ANK1: variants seen among roughly 807,000 people sequenced by gnomAD.
The protein encoded by ANK1 is ankyrin-1.
In ANK1, 51 loss-of-function variants were observed where a neutral mutation model predicts 210.4. That is an observed-to-expected ratio of 0.24 (90% CI 0.19 to 0.31). The LOEUF is 0.31. Ranked by LOEUF, ANK1 falls within the 10% of genes least tolerant of loss-of-function variation. The pLI, the probability that ANK1 is intolerant of heterozygous loss-of-function variation, is 1.00. For missense variants in ANK1, 2,051 were observed against 2,504.4 expected (o/e 0.82, Z 3.86); for synonymous variants, 967 against 1,025.9 (o/e 0.94, Z 1.10).
intron 42 of ANK1, 77 bp downstream of exon 42, chr8:41,661,353 G>A (rs1164411800): frequency 3.8e-6 from 6 of 1,577,574 alleles, no homozygotes; most frequent in Admixed American, 1.8e-5. Context: ...GTGGCTGGGA[G>A]GGGATAGGGT....
chr8:41,755,313 T>A (rs1480992999), intron 2 of ANK1, among the ~76,000 whole-genome samples: 1 of 152,196 alleles, frequency 6.6e-6, no homozygotes, highest in Non-Finnish European at 1.5e-5. Flanking sequence ...ACACAGCTAT[T>A]CCCTGGTGGC....
At chr8:41,821,130 A>G (rs1477832933) in intron 1 of ANK1, among the ~76,000 whole-genome samples, 1 of 152,188 alleles carries the variant, frequency 6.6e-6, no homozygotes, top group Non-Finnish European at 1.5e-5. Flanking sequence ...CTACAGAAGT[A>G]TATTTGGGGG....
chr8:41,790,782 G>C (rs1475750059), intron 1 of ANK1, among the ~76,000 whole-genome samples: 1 of 152,202 alleles, frequency 6.6e-6, no homozygotes, highest in Non-Finnish European at 1.5e-5. Flanking sequence ...CTGGCTAATG[G>C]GGGTTGGGGG....
intron 2 of ANK1, among the ~76,000 whole-genome samples, chr8:41,743,607 G>C (rs540125865): frequency 6.6e-6 from 1 of 152,332 alleles, no homozygotes; most frequent in South Asian, 2.1e-4. Flanking sequence ...GTCTGAGAAA[G>C]AGGACAGCTA....
At chr8:41,878,796 T>C (rs770604169) in intron 1 of ANK1, among the ~76,000 whole-genome samples, 2 of 152,058 alleles carry the variant, frequency 1.3e-5, no homozygotes, top group Non-Finnish European at 2.9e-5. Flanking sequence ...GGCGTGGTGG[T>C]TCATGCCTAT....
At chr8:41,807,968 G>GGGA (rs566961146) in intron 1 of ANK1, among the ~76,000 whole-genome samples, 247 of 151,410 alleles carry the variant, frequency 1.6e-3, no homozygotes, top group African/African-American at 5.5e-3. Flanking sequence ...AGAGGAGGAG[G>GGGA]GGAGGAGGAG....
rs527730434 is a variant in ANK1, at chr8:41,716,812, C to T, written c.1404+141G>A. On this transcript the variant is annotated intron_variant, in intron 13 of 42. Transcript: ENST00000289734. The stretch of plus-strand genomic sequence containing the variant: ...AACCCCCTGCAAAGCAGAATCTGGG[C>T]GCTCAGAGTGACCTGATCAGGATGA... The T allele has an allele frequency of 3.1e-4, 260 of 846,576 alleles. 2 individuals are homozygous for T. The highest frequency in any genetic ancestry group is 4.0e-4 in the African/African-American group (24 of 60,258). 52.4% of individuals were successfully genotyped at this position (846,576 alleles called of 1,614,324 possible).
At chr8:41,677,948 A>G (rs1814731259) in intron 37 of ANK1, among the ~76,000 whole-genome samples, 1 of 152,074 alleles carries the variant, frequency 6.6e-6, no homozygotes, top group African/African-American at 2.4e-5. Flanking sequence ...GTTCCCTTGT[A>G]CATAACACAT....
chr8:41,871,535 C>T (rs766753098), intron 1 of ANK1, among the ~76,000 whole-genome samples: 13 of 152,208 alleles, frequency 8.5e-5, no homozygotes, highest in South Asian at 4.1e-4. Context: ...GAGCACCATA[C>T]GAAGAAGATC....
chr8:41,810,932 G>A (rs574557450), intron 1 of ANK1, among the ~76,000 whole-genome samples: 31 of 152,342 alleles, frequency 2.0e-4, no homozygotes, highest in Admixed American at 1.4e-3. Flanking sequence ...ACGCAGGTGC[G>A]TCAGTTCGCG....
chr8:41,836,251 G>A (rs1807688904), intron 1 of ANK1, among the ~76,000 whole-genome samples: 1 of 152,260 alleles, frequency 6.6e-6, no homozygotes, highest in African/African-American at 2.4e-5. Context: ...GCTGCCGACT[G>A]CTCAGTATTT....
Position 41,672,792 on chromosome 8 carries a change from G to T in ANK1, c.4658C>A (p.Ala1553Glu). The T allele has an allele frequency of 6.2e-7, 1 of 1,604,286 alleles. No individual in the cohort carries two copies. Among genetic ancestry groups the T allele is most frequent in the South Asian group, 1.1e-5 (1 of 89,952 alleles). Residue 1553 changes from alanine to glutamate, a missense_variant, in exon 38 of 43, where the codon GCG (alanine) becomes GAG (glutamate). Coordinates refer to ENST00000289734, the MANE Select transcript of ANK1 (RefSeq NM_000037.4). ...CAGCATGGTGTCATGCTCCGTGGCCGCCAAGGGGATGGCGTCTAGGACGGC... is the reference window on the plus strand; with the variant it reads ...CAGCATGGTGTCATGCTCCGTGGCCTCCAAGGGGATGGCGTCTAGGACGGC... ...EVAVLDAIPL[A>E]ATEHDTMLEM...
At chr8:41,737,942 T>G (rs993710842) in intron 2 of ANK1, among the ~76,000 whole-genome samples, 2 of 152,210 alleles carry the variant, frequency 1.3e-5, no homozygotes, top group East Asian at 3.8e-4. Flanking sequence ...TGTCTGGCCC[T>G]GTGCTAGAAA....
Position 41,771,071 on chromosome 8 carries a change from A to G in ANK1, c.28-12934T>C, listed in dbSNP as rs537960467. On this transcript the variant is annotated intron_variant, in intron 1 of 42. Transcript: ENST00000289734. The stretch of plus-strand genomic sequence containing the variant: ...AACACAGTGATTACTGACTGGTGTT[A>G]GAAGAATGATGTCCCCAACACTTCC... Among the ~76,000 whole-genome samples, 174 of 152,338 alleles carry G rather than the reference A, an allele frequency of 1.1e-3. No individual in the cohort carries two copies. In the Middle Eastern group the frequency reaches 0.017, roughly 15 times the overall value.
chr8:41,766,859 C>A (rs547425838), intron 1 of ANK1, among the ~76,000 whole-genome samples: 1 of 152,192 alleles, frequency 6.6e-6, no homozygotes, highest in African/African-American at 2.4e-5. Context: ...GGCCTCCGGG[C>A]GCCTCACGTT....
Position 41,723,181 on chromosome 8 carries a change from C to G in ANK1, c.853G>C (p.Val285Leu). The change falls in exon 9 of 43, where the codon GTG (valine) becomes CTG (leucine). Residue 285 changes from valine (V) to leucine (L), a missense_variant. Around this residue, in one of 6 missense-constraint regions of ANK1, gnomAD observed 1,413 missense variants for 1,707.4 expected, o/e 0.83. Transcript: ENST00000289734. ...TCCAGCAGGATCTCTGAGATTCGCA[C>G]GTGCCCATTTCGAGCTGCACAGTGG... Reference protein sequence around the residue: ...PLHCAARNGHVRISEILLDHG... With the variant: ...PLHCAARNGHLRISEILLDHG... The G allele has an allele frequency of 3.1e-6, 5 of 1,614,156 alleles. No homozygotes were observed. Among genetic ancestry groups the G allele is most frequent in the Non-Finnish European group, 4.2e-6 (5 of 1,180,036 alleles).
At chr8:41,719,915 G>C in intron 9 of ANK1, 57 bp from the exon 10 acceptor site, 1 of 1,557,226 alleles carries the variant, frequency 6.4e-7, no homozygotes, top group Non-Finnish European at 8.9e-7. Flanking sequence ...CGAGCATGGA[G>C]ATTCAGGACG....
chr8:41,656,290 T>C (rs17659428), intron 42 of ANK1, among the ~76,000 whole-genome samples: 90,921 of 152,186 alleles, frequency 0.6, 27,706 homozygotes, highest in African/African-American at 0.71. Context: ...ATGGAGCGGA[T>C]GTGCTCCCTG....
At chr8:41,888,825 G>T (rs982446827) in intron 1 of ANK1, among the ~76,000 whole-genome samples, 1 of 152,138 alleles carries the variant, frequency 6.6e-6, no homozygotes, top group Admixed American at 6.5e-5. Context: ...CTCAGGGCCC[G>T]GCGACGGAGT....
Sources: allele counts gnomAD v4.1 joint callset (sites outside exome capture counted in the v4.1 genomes callset), GRCh38; gene constraint gnomAD v4.1.1; regional missense constraint gnomAD v4.1.1; transcripts MANE v1.5; gene names NCBI Gene and HGNC (gene_info 2026-07-23, HGNC 2026-07-21).